Variants in CHIA observed in about 807,000 individuals in gnomAD.
CHIA encodes the protein chitinase acidic.
A neutral mutation model predicts 53.5 loss-of-function variants in CHIA; 47 were observed. The observed-to-expected ratio is 0.88, with a 90% confidence interval of 0.70 to 1.12. The LOEUF is 1.12. Among genes scored for constraint, CHIA ranks in the 50% most tolerant of loss-of-function variants. CHIA has a pLI of 0.00. For synonymous variants in CHIA, 268 were observed against 222.2 expected (o/e 1.21, Z -1.83); for missense variants, 652 against 592.2 (o/e 1.10, Z -1.05).
intron 11 of CHIA, 89 bp from the exon 12 acceptor site, chr1:111,320,124 C>T (rs1649534868): frequency 4.8e-6 from 6 of 1,245,280 alleles, no homozygotes; most frequent in Admixed American, 1.9e-5. Context: ...CACCTCCACA[C>T]TTCCACTCCC....
chr1:111,316,157 C>A (rs1649141558), intron 6 of CHIA: 6 of 236,908 alleles, frequency 2.5e-5, no homozygotes, highest in South Asian at 2.2e-4. Context: ...ATGGGAATGG[C>A]ACAAATGATA....
At chr1:111,298,589 T>G (rs1433371324) in intron 1 of CHIA, among the ~76,000 whole-genome samples, 1 of 152,092 alleles carries the variant, frequency 6.6e-6, no homozygotes, top group Non-Finnish European at 1.5e-5. Flanking sequence ...GTTAAAGCAG[T>G]GTGTAGAGGG....
Position 111,320,515 on chromosome 1 carries a change from A to G in CHIA, c.*49A>G, listed in dbSNP as rs1649585590. 1.3e-6 allele frequency: 2 copies of G among 1,560,800 alleles called. No homozygotes were observed. Among genetic ancestry groups the G allele is most frequent in the Non-Finnish European group, 1.8e-6 (2 of 1,136,924 alleles). ...AGAGTTCCAGTCTCTTTTGCTTAGG[A>G]CATGTTGCCCCTACCTAAAGTCCTG... On this transcript the variant is annotated 3_prime_UTR_variant, in exon 12 of 12. Transcript: ENST00000369740.
chr1:111,318,457 T>C (rs778493569), intron 8 of CHIA, 36 bp from the exon 9 acceptor site: 11 of 1,575,218 alleles, frequency 7.0e-6, no homozygotes, highest in South Asian at 2.3e-5. Flanking sequence ...GGTCCTCAGC[T>C]GGTTGGGCCA....
At chr1:111,317,520 A>G in intron 6 of CHIA, 161 bp from the exon 7 acceptor site, 1 of 730,744 alleles carries the variant, frequency 1.4e-6, no homozygotes. Context: ...AATATTATCT[A>G]TCCGATCTAC....
chr1:111,295,752 G>A (rs770099519), intron 1 of CHIA, among the ~76,000 whole-genome samples: 1 of 152,160 alleles, frequency 6.6e-6, no homozygotes, highest in Non-Finnish European at 1.5e-5. Flanking sequence ...AAAGCAGGGT[G>A]GGGCATCACC....
At chr1:111,301,573 G>A (rs937563168) in intron 1 of CHIA, among the ~76,000 whole-genome samples, 2 of 151,852 alleles carry the variant, frequency 1.3e-5, no homozygotes, top group Non-Finnish European at 2.9e-5. Context: ...GTGGTGGCAG[G>A]CACCTATAGT....
chr1:111,299,514 A>T (rs1557734397), intron 1 of CHIA, among the ~76,000 whole-genome samples: 1 of 152,230 alleles, frequency 6.6e-6, no homozygotes, highest in Non-Finnish European at 1.5e-5. Flanking sequence ...TAGATGCAGA[A>T]AAGGCCTTCC....
At chr1:111,298,803 C>T (rs1445547081) in intron 1 of CHIA, among the ~76,000 whole-genome samples, 2 of 151,948 alleles carry the variant, frequency 1.3e-5, no homozygotes, top group Non-Finnish European at 1.5e-5. Flanking sequence ...CCAAGAGATG[C>T]TTTTTTGAAA....
At chr1:111,295,718 G>A (rs1404588359) in intron 1 of CHIA, among the ~76,000 whole-genome samples, 1 of 152,066 alleles carries the variant, frequency 6.6e-6, no homozygotes, top group South Asian at 2.1e-4. Context: ...TTGGACAGTG[G>A]GTGCAGCCCA....
At chr1:111,310,754 G>A (rs12131907) in intron 2 of CHIA, among the ~76,000 whole-genome samples, 20,043 of 152,072 alleles carry the variant, frequency 0.13, 1,517 homozygotes, top group African/African-American at 0.19. Context: ...TTCTCCTAGT[G>A]CTAGTCTTAC....
chr1:111,310,387 G>C lies in CHIA; in HGVS notation c.-68-13G>C. ...ACTACATACACATCTGGGTCAAATT[G>C]TTCTCTATTTAGAAGCCTTTGTGAT... On this transcript the variant is annotated splice_polypyrimidine_tract_variant and intron_variant, in intron 1 of 11. Coordinates refer to ENST00000369740, the MANE Select transcript of CHIA (RefSeq NM_201653.4). 6.2e-7 allele frequency: 1 copy of C among 1,602,838 alleles called. No individual in the cohort carries two copies. Among genetic ancestry groups the C allele is most frequent in the Non-Finnish European group, 8.5e-7 (1 of 1,175,888 alleles).
At chr1:111,317,466 A>C in intron 6 of CHIA, 1 of 473,484 alleles carries the variant, frequency 2.1e-6, no homozygotes, top group Non-Finnish European at 3.8e-6. Context: ...ACTTTGGTGA[A>C]GTGTCCTAAC....
At chr1:111,302,571 T>C (rs1219601384) in intron 1 of CHIA, among the ~76,000 whole-genome samples, 1 of 152,202 alleles carries the variant, frequency 6.6e-6, no homozygotes, top group African/African-American at 2.4e-5. Context: ...TTCACTTCTA[T>C]TATCAATTTC....
chr1:111,317,607 A>C, intron 6 of CHIA, 74 bp from the exon 7 acceptor site: 1 of 1,522,688 alleles, frequency 6.6e-7, no homozygotes, highest in Non-Finnish European at 9.1e-7. Flanking sequence ...TTATACAGAC[A>C]TATGTTTATT....
In CHIA at chr1:111,318,000, T is replaced by A; in HGVS notation, c.620T>A (p.Ile207Asn). 1.9e-6 allele frequency: 3 copies of A among 1,614,140 alleles called. No individual in the cohort carries two copies. Among genetic ancestry groups the A allele is most frequent in the Middle Eastern group, 1.6e-4 (1 of 6,062 alleles). The change falls in exon 8 of 12, where the codon ATC (isoleucine) becomes AAC (asparagine). Residue 207 changes from isoleucine to asparagine, a missense_variant. Ile to Asn is a moderately radical substitution (Grantham distance 149, BLOSUM62 -3). Transcript: ENST00000369740. ...CCCCACCTCAGGTACCTGGACTACA[T>A]CCATGTCATGACCTACGACCTCCAT... ...IPQLSQYLDYIHVMTYDLHGS... is the reference protein window; with the variant it reads ...IPQLSQYLDYNHVMTYDLHGS...
At chr1:111,308,973 A>T (rs752706482) in intron 1 of CHIA, among the ~76,000 whole-genome samples, 13 of 152,198 alleles carry the variant, frequency 8.5e-5, no homozygotes, top group South Asian at 4.1e-4. Context: ...TGTTGATATG[A>T]TTATTTTCAC....
intron 11 of CHIA, among the ~76,000 whole-genome samples, chr1:111,319,750 C>CAG (rs1649504670): frequency 2.0e-5 from 3 of 152,216 alleles, no homozygotes; most frequent in Non-Finnish European, 4.4e-5. Flanking sequence ...ATATAAGTAT[C>CAG]TGCTTCTCTA....
chr1:111,311,086 C>T (rs540988034), intron 2 of CHIA, among the ~76,000 whole-genome samples: 1 of 152,292 alleles, frequency 6.6e-6, no homozygotes, highest in Admixed American at 6.5e-5. Context: ...TGCTCTAGAG[C>T]TGGGATTTGC....
Sources: allele counts gnomAD v4.1 joint callset (sites outside exome capture counted in the v4.1 genomes callset), GRCh38; gene constraint gnomAD v4.1.1; transcripts MANE v1.5; gene names NCBI Gene and HGNC (gene_info 2026-07-23, HGNC 2026-07-21).